REV1: variants seen among roughly 807,000 people sequenced by gnomAD.
REV1 encodes the protein REV1 DNA directed polymerase, also known as translesion synthesis protein REV1.
In REV1, 42 loss-of-function variants were observed where a neutral mutation model predicts 137.4. The observed-to-expected ratio is 0.31, with a 90% CI of 0.24 to 0.40. The LOEUF (loss-of-function observed/expected upper bound fraction) is 0.40, where lower values mean the gene tolerates loss of function less well. Ranked by LOEUF, REV1 falls within the 10% of genes least tolerant of loss-of-function variation. The pLI, the probability that REV1 is intolerant of heterozygous loss-of-function variation, is 1.00. For missense variants in REV1, 1,282 were observed against 1,490.1 expected (o/e 0.86, Z 2.30); for synonymous variants, 524 against 519.2 (o/e 1.01, Z -0.12).
chr2:99,457,259 G>A (rs767753945), intron 3 of REV1, among the ~76,000 whole-genome samples: 1 of 152,148 alleles, frequency 6.6e-6, no homozygotes, highest in African/African-American at 2.4e-5. Flanking sequence ...AATAAAATGG[G>A]ATATAAGGTC....
intron 12 of REV1, among the ~76,000 whole-genome samples, chr2:99,414,703 G>C (rs1189026701): frequency 6.6e-6 from 1 of 152,146 alleles, no homozygotes; most frequent in Non-Finnish European, 1.5e-5. Context: ...AAGACTTTGT[G>C]TCTCTCTTTT....
intron 1 of REV1, among the ~76,000 whole-genome samples, chr2:99,469,704 T>C (rs1302256787): frequency 2.0e-5 from 3 of 152,234 alleles, no homozygotes; most frequent in Admixed American, 6.5e-5. Flanking sequence ...TACTTATGCA[T>C]GCATTTTTCC....
rs1274769981 is a variant in REV1 at position 99,438,914 on chromosome 2, T to C, written c.900A>G (p.Leu300=). The C allele has an allele frequency of 5.0e-6, 8 of 1,614,076 alleles. No individual in the cohort carries two copies. Among genetic ancestry groups the C allele is most frequent in the Non-Finnish European group, 6.8e-6 (8 of 1,180,032 alleles). The change falls in exon 6 of 23, where the codon TTA becomes TTG. Residue 300 remains leucine, a synonymous_variant. Coordinates refer to ENST00000258428, the MANE Select transcript of REV1 (RefSeq NM_016316.4). ...TTTTAGTGTTACTGTGCAAAGGTGA[T>C]AATGAGAAAGAATTAGTTCTGTGTG... ...RNPHRTNSFS[L]SPLHSNTKIN...
chr2:99,488,593 T>C (rs1451652008), intron 1 of REV1, among the ~76,000 whole-genome samples: 1 of 152,188 alleles, frequency 6.6e-6, no homozygotes, highest in Non-Finnish European at 1.5e-5. Flanking sequence ...AGAGGAACTT[T>C]AGGTGAGCTC....
chr2:99,487,033 G>A (rs957262715), intron 1 of REV1, among the ~76,000 whole-genome samples: 3 of 152,218 alleles, frequency 2.0e-5, no homozygotes, highest in African/African-American at 7.2e-5. Flanking sequence ...GAAAAGGCCT[G>A]AGGCGATGAC....
At position 99,406,504 on chromosome 2, in the gene REV1, T is replaced by A. The variant is rs373851872; in HGVS notation, c.2449-14A>T. Reference sequence around the variant, plus strand: ...GTGAATCCCAACCTAGAACCCAGAATAAAGAGTATGCTTCTAGGAAAACTA... The same window carrying A: ...GTGAATCCCAACCTAGAACCCAGAAAAAAGAGTATGCTTCTAGGAAAACTA... On this transcript the variant is annotated splice_polypyrimidine_tract_variant and intron_variant, in intron 15 of 22. Coordinates refer to ENST00000258428, the MANE Select transcript of REV1 (RefSeq NM_016316.4). 175 of 1,576,296 alleles carry A rather than the reference T, an allele frequency of 1.1e-4. No homozygotes were observed. Among genetic ancestry groups the A allele is most frequent in the Non-Finnish European group, 1.4e-4 (163 of 1,159,494 alleles).
At chr2:99,453,216 G>C (rs1272004923) in intron 3 of REV1, among the ~76,000 whole-genome samples, 1 of 151,878 alleles carries the variant, frequency 6.6e-6, no homozygotes, top group South Asian at 2.1e-4. Context: ...AAAATTAGCT[G>C]GGCATGGTGG....
intron 4 of REV1, among the ~76,000 whole-genome samples, chr2:99,445,031 T>C (rs1370256352): frequency 6.6e-6 from 1 of 152,178 alleles, no homozygotes; most frequent in Non-Finnish European, 1.5e-5. Context: ...AGAGTTTACA[T>C]TCTATACAAC....
At chr2:99,437,141 A>T (rs781107371) in intron 6 of REV1, among the ~76,000 whole-genome samples, 2 of 151,750 alleles carry the variant, frequency 1.3e-5, no homozygotes, top group South Asian at 4.2e-4. Context: ...CACCACGCCC[A>T]GCTAATTTTT....
intron 1 of REV1, among the ~76,000 whole-genome samples, chr2:99,486,887 A>G (rs932512305): frequency 6.6e-6 from 1 of 150,646 alleles, no homozygotes; most frequent in Non-Finnish European, 1.5e-5. Context: ...CTGGCAGCAA[A>G]CAAGTCTAAG....
chr2:99,416,655 G>A (rs1302287653), intron 12 of REV1, among the ~76,000 whole-genome samples: 3 of 152,110 alleles, frequency 2.0e-5, no homozygotes, highest in African/African-American at 4.8e-5. Context: ...CACTGGGCAC[G>A]GTGGCTCATG....
At chr2:99,460,501 C>A (rs1684060932) in intron 3 of REV1, among the ~76,000 whole-genome samples, 1 of 152,140 alleles carries the variant, frequency 6.6e-6, no homozygotes, top group African/African-American at 2.4e-5. Context: ...AATAGCTGAC[C>A]AGTACTCCTC....
At chr2:99,405,188 T>G (rs907698372) in intron 17 of REV1, 1 of 160,326 alleles carries the variant, frequency 6.2e-6, no homozygotes, top group Admixed American at 6.5e-5. Context: ...TTTCTCTAAC[T>G]TACAGGACAG....
chr2:99,447,919 T>C (rs1682429166), intron 4 of REV1, among the ~76,000 whole-genome samples: 1 of 151,780 alleles, frequency 6.6e-6, no homozygotes, highest in African/African-American at 2.4e-5. Flanking sequence ...GGTTTCACCA[T>C]GTTGGCCAAG....
intron 12 of REV1, among the ~76,000 whole-genome samples, 193 bp downstream of exon 12, chr2:99,418,635 T>C (rs1400027091): frequency 6.6e-6 from 1 of 152,142 alleles, no homozygotes; most frequent in Non-Finnish European, 1.5e-5. Flanking sequence ...AATGTAACAT[T>C]AAGGTCCTGA....
chr2:99,430,543 C>T, intron 8 of REV1, among the ~76,000 whole-genome samples: 1 of 152,212 alleles, frequency 6.6e-6, no homozygotes, highest in South Asian at 2.1e-4. Context: ...CATTATCCCC[C>T]GCTACAGGTA....
At chr2:99,457,700 AAGAG>A (rs896086117) in intron 3 of REV1, among the ~76,000 whole-genome samples, 14 of 151,832 alleles carry the variant, frequency 9.2e-5, no homozygotes, top group South Asian at 2.1e-4. Flanking sequence ...AAAAAAAAAA[AAGAG>A]AGAGAGAGGC....
At chr2:99,436,614 C>G (rs939949649) in intron 6 of REV1, 2 of 152,196 alleles carry the variant, frequency 1.3e-5, no homozygotes, top group African/African-American at 4.8e-5. Context: ...TGACATATAC[C>G]ACATTTAAGG....
intron 1 of REV1, among the ~76,000 whole-genome samples, chr2:99,475,264 C>T (rs867335414): frequency 1.3e-5 from 2 of 152,046 alleles, no homozygotes. Context: ...GTATTTGTTC[C>T]GATTGGCTAG....
Sources: allele counts gnomAD v4.1 joint callset (sites outside exome capture counted in the v4.1 genomes callset), GRCh38; gene constraint gnomAD v4.1.1; transcripts MANE v1.5; gene names NCBI Gene and HGNC (gene_info 2026-07-23, HGNC 2026-07-21).